The following PDE4B variants were observed in gnomAD, a reference collection of about 807,000 sequenced individuals.
PDE4B encodes 3',5'-cyclic-AMP phosphodiesterase 4B.
PDE4B carries 20 observed loss-of-function variants against 82.2 expected under a neutral mutation model. The ratio of observed to expected loss-of-function variants is 0.24; its 90% CI spans 0.17 to 0.35. The LOEUF is 0.35. Among genes scored for constraint, PDE4B ranks in the 10% least tolerant of loss-of-function variants. The pLI is 1.00. For missense variants in PDE4B, 655 were observed against 907.2 expected (o/e 0.72, Z 3.57); for synonymous variants, 320 against 318.9 (o/e 1.00, Z -0.04).
intron 1 of PDE4B, among the ~76,000 whole-genome samples, chr1:65,822,326 C>T (rs1390516017): frequency 6.6e-6 from 1 of 151,968 alleles, no homozygotes; most frequent in Non-Finnish European, 1.5e-5. Context: ...TTTTTTTTGG[C>T]CAGGTGCACA....
At chr1:65,911,693 T>C (rs1418018490) in intron 1 of PDE4B, among the ~76,000 whole-genome samples, 1 of 152,192 alleles carries the variant, frequency 6.6e-6, no homozygotes, top group Non-Finnish European at 1.5e-5. Flanking sequence ...ATCGTAGTTC[T>C]AATCATTCTT....
intron 1 of PDE4B, among the ~76,000 whole-genome samples, chr1:65,868,622 A>G (rs1008289430): frequency 1.3e-5 from 2 of 152,212 alleles, no homozygotes; most frequent in Admixed American, 1.3e-4. Context: ...GTGGATGGTC[A>G]CCAAACTGGC....
At chr1:65,964,443 T>C (rs1393089572) in intron 3 of PDE4B, among the ~76,000 whole-genome samples, 2 of 152,194 alleles carry the variant, frequency 1.3e-5, no homozygotes, top group Non-Finnish European at 2.9e-5. Flanking sequence ...TCATGGATTC[T>C]GGTATTTTTG....
At position 65,951,060 on chromosome 1, in the gene PDE4B, G is replaced by A. The variant is rs527721256; in HGVS notation, c.281+32225G>A. ...CATTCACTATGTTTAACAAGGGACC[G>A]TCACGCAAATAGCATCTCTCTTCCT... On this transcript the variant is annotated intron_variant, in intron 3 of 16. Transcript: ENST00000341517. 6.6e-5 allele frequency among the ~76,000 whole-genome samples: 10 copies of A among 152,120 alleles called. No homozygotes were observed. In the East Asian group the frequency reaches 7.8e-4, roughly 12 times the overall value.
intron 1 of PDE4B, among the ~76,000 whole-genome samples, chr1:65,890,217 A>G (rs926911270): frequency 2.0e-5 from 3 of 152,118 alleles, no homozygotes; most frequent in African/African-American, 7.2e-5. Flanking sequence ...GACTTAAATG[A>G]AATTTAAGAT....
chr1:66,366,831 A>G (rs899160647), intron 13 of PDE4B, among the ~76,000 whole-genome samples: 3 of 152,138 alleles, frequency 2.0e-5, no homozygotes, highest in Non-Finnish European at 4.4e-5. Context: ...CCTTGATCAC[A>G]GGATGAACAA....
chr1:66,126,762 G>A (rs986625250), intron 3 of PDE4B, among the ~76,000 whole-genome samples: 1 of 152,206 alleles, frequency 6.6e-6, no homozygotes, highest in Admixed American at 6.5e-5. Context: ...TAGTGATAAA[G>A]TGTTTATTTC....
intron 3 of PDE4B, among the ~76,000 whole-genome samples, chr1:66,102,770 T>C (rs1197687977): frequency 1.3e-5 from 2 of 152,054 alleles, no homozygotes; most frequent in Non-Finnish European, 2.9e-5. Context: ...CTTTCTTGAG[T>C]CAGTACAGGA....
intron 3 of PDE4B, among the ~76,000 whole-genome samples, chr1:66,046,988 C>T (rs759734160): frequency 3.6e-4 from 54 of 151,666 alleles, no homozygotes; most frequent in Admixed American, 5.3e-4. Flanking sequence ...AACAAGATAG[C>T]AAAACTAAGA....
chr1:65,969,739 A>G (rs1488756055), intron 3 of PDE4B, among the ~76,000 whole-genome samples: 1 of 152,142 alleles, frequency 6.6e-6, no homozygotes, highest in Non-Finnish European at 1.5e-5. Context: ...TCTCAAAAGC[A>G]TTAAAAAAGA....
chr1:66,038,504 A>G (rs139488907), intron 3 of PDE4B, among the ~76,000 whole-genome samples: 1 of 152,168 alleles, frequency 6.6e-6, no homozygotes, highest in East Asian at 1.9e-4. Flanking sequence ...CGGCATTCTT[A>G]AAGTTCAAGG....
intron 1 of PDE4B, 30 bp from the exon 2 acceptor site, chr1:65,913,215 T>C (rs1337019255): frequency 5.1e-6 from 5 of 973,572 alleles, no homozygotes; most frequent in Non-Finnish European, 8.2e-6. Flanking sequence ...TACAGAGCTG[T>C]TCTTTTTTGT....
At chr1:66,266,368 C>T (rs1452281145) in intron 7 of PDE4B, among the ~76,000 whole-genome samples, 1 of 152,294 alleles carries the variant, frequency 6.6e-6, no homozygotes, top group African/African-American at 2.4e-5. Context: ...GAGCAGGAGA[C>T]AGAGTTGTAT....
chr1:66,368,038 C>T lies in PDE4B; in HGVS notation c.1635C>T (p.Leu545=), dbSNP rs1198602275. The part of the protein sequence containing the change: ...TKKVTSSGVL[L]LDNYTDRIQV... ...AAGTTACAAGTTCAGGCGTTCTTCTCCTAGACAACTATACCGATCGCATTC... is the reference window on the plus strand; with the variant it reads ...AAGTTACAAGTTCAGGCGTTCTTCTTCTAGACAACTATACCGATCGCATTC... The change falls in exon 15 of 17, where the codon CTC becomes CTT. Residue 545 remains leucine, a synonymous_variant. Coordinates refer to ENST00000341517, the MANE Select transcript of PDE4B (RefSeq NM_002600.4). 6.2e-7 allele frequency: 1 copy of T among 1,613,808 alleles called. No homozygotes were observed. The highest frequency in any genetic ancestry group is 1.1e-5 in the South Asian group (1 of 91,072).
chr1:66,021,400 G>C (rs1653101185), intron 3 of PDE4B, among the ~76,000 whole-genome samples: 1 of 152,172 alleles, frequency 6.6e-6, no homozygotes, highest in African/African-American at 2.4e-5. Context: ...CCATGCCTAT[G>C]TCCTGAATGG....
intron 16 of PDE4B, among the ~76,000 whole-genome samples, chr1:66,369,398 G>A (rs1011451906): frequency 1.3e-5 from 2 of 152,126 alleles, no homozygotes; most frequent in Non-Finnish European, 2.9e-5. Context: ...ATCACCAGAG[G>A]CAGTCTCTTT....
chr1:66,029,562 A>G (rs1170695733), intron 3 of PDE4B, among the ~76,000 whole-genome samples: 1 of 152,206 alleles, frequency 6.6e-6, no homozygotes, highest in African/African-American at 2.4e-5. Flanking sequence ...TGAAAGATGA[A>G]GAGTCTATTG....
At chr1:65,841,381 A>AAGGAAGG (rs143829481) in intron 1 of PDE4B, among the ~76,000 whole-genome samples, 10 of 150,344 alleles carry the variant, frequency 6.7e-5, no homozygotes, top group South Asian at 4.2e-4. Flanking sequence ...AAAGGAAAGG[A>AAGGAAGG]AAGGAAGGAA....
At chr1:66,241,716 T>TA (rs1360437155) in intron 3 of PDE4B, among the ~76,000 whole-genome samples, 1 of 152,126 alleles carries the variant, frequency 6.6e-6, no homozygotes, top group African/African-American at 2.4e-5. Flanking sequence ...TGACTATGCC[T>TA]ACCCCCACAA....
Sources: gnomAD v4.1 joint callset for allele counts (sites outside exome capture counted in the v4.1 genomes callset) on GRCh38, gnomAD v4.1.1 for gene constraint, MANE v1.5 for transcripts, NCBI Gene and HGNC (gene_info 2026-07-23, HGNC 2026-07-21) for gene names.